The following PARD3 variants were observed in gnomAD, a reference collection of about 807,000 sequenced individuals.
PARD3 encodes par-3 family cell polarity regulator.
In PARD3, 75 loss-of-function variants were observed where a neutral mutation model predicts 155.4. The observed-to-expected ratio is 0.48, with a 90% CI of 0.40 to 0.58. The LOEUF is 0.58. PARD3 is among the 20% of genes least tolerant of loss of function. The pLI is 0.00. For synonymous variants in PARD3, 576 were observed against 610.5 expected, an observed-to-expected ratio of 0.94 and a Z score of 0.83; for missense variants, 1,642 against 1,721.7, an observed-to-expected ratio of 0.95 and a Z score of 0.82.
intron 2 of PARD3, among the ~76,000 whole-genome samples, chr10:34,585,543 CTTTCT>C (rs2087936734): frequency 5.6e-4 from 71 of 126,846 alleles, no homozygotes; most frequent in African/African-American, 2.1e-3. Context: ...TTTTCTTTTT[CTTTCT>C]TTTTTTTTTT....
intron 2 of PARD3, among the ~76,000 whole-genome samples, chr10:34,685,017 A>G (rs992370035): frequency 2.6e-5 from 4 of 152,112 alleles, no homozygotes; most frequent in African/African-American, 9.7e-5. Flanking sequence ...ATTATTCCAT[A>G]TGCTATCTTT....
At chr10:34,606,638 C>CAAAAAAAAAAAA (rs398013195) in intron 2 of PARD3, among the ~76,000 whole-genome samples, 14 of 79,656 alleles carry the variant, frequency 1.8e-4, no homozygotes, top group African/African-American at 6.7e-4. Context: ...CCCGTGTCTT[C>CAAAAAAAAAAAA]AAAAAAAAAA....
At chr10:34,476,819 C>T (rs1483694449) in intron 3 of PARD3, among the ~76,000 whole-genome samples, 1 of 152,234 alleles carries the variant, frequency 6.6e-6, no homozygotes, top group African/African-American at 2.4e-5. Flanking sequence ...CGACAAGCAA[C>T]ACAGAGTTCT....
At chr10:34,643,293 G>A (rs548521288) in intron 2 of PARD3, among the ~76,000 whole-genome samples, 3 of 152,298 alleles carry the variant, frequency 2.0e-5, no homozygotes, top group South Asian at 2.1e-4. Flanking sequence ...CTAACTGTGC[G>A]TCCTCATTGC....
rs908365891 is a variant in PARD3 at position 34,535,113 on chromosome 10, T to C, written c.223-17954A>G. Among the ~76,000 whole-genome samples, 11 of 152,344 alleles carry C rather than the reference T, an allele frequency of 7.2e-5. No homozygotes were observed. The South Asian group carries it at 2.3e-3, about 32-fold the overall frequency. ...AATATTAAGTGCAACAAAAAAATTA[T>C]GTAACAATCTACATAAAACTCTGTA... On this transcript the variant is annotated intron_variant, in intron 2 of 24. Transcript: ENST00000374788.
At chr10:34,542,389 A>G (rs1204694949) in intron 2 of PARD3, among the ~76,000 whole-genome samples, 2 of 152,150 alleles carry the variant, frequency 1.3e-5, no homozygotes, top group Admixed American at 6.5e-5. Flanking sequence ...ACTGGGGTCA[A>G]TATTATTGAC....
intron 22 of PARD3, among the ~76,000 whole-genome samples, chr10:34,152,067 C>T (rs534393150): frequency 2.0e-5 from 3 of 152,150 alleles, no homozygotes; most frequent in Non-Finnish European, 2.9e-5. Flanking sequence ...GTCTTAGATC[C>T]GAGTTCTTGA....
At chr10:34,763,210 A>C (rs1000501518) in intron 1 of PARD3, among the ~76,000 whole-genome samples, 1 of 152,210 alleles carries the variant, frequency 6.6e-6, no homozygotes, top group Admixed American at 6.5e-5. Flanking sequence ...TCAATATCTA[A>C]AGGTCCCACC....
intron 22 of PARD3, among the ~76,000 whole-genome samples, chr10:34,192,224 T>C (rs1276725097): frequency 6.6e-6 from 1 of 152,056 alleles, no homozygotes; most frequent in East Asian, 1.9e-4. Context: ...TATGTCACCA[T>C]GCCCAGCTAA....
At chr10:34,122,694 A>G (rs1947071345) in intron 23 of PARD3, among the ~76,000 whole-genome samples, 1 of 152,236 alleles carries the variant, frequency 6.6e-6, no homozygotes, top group Non-Finnish European at 1.5e-5. Flanking sequence ...GATTGCATAC[A>G]TGACCAGCCC....
At chr10:34,357,064 T>C (rs1838960172) in intron 14 of PARD3, among the ~76,000 whole-genome samples, 1 of 152,176 alleles carries the variant, frequency 6.6e-6, no homozygotes, top group Admixed American at 6.5e-5. Flanking sequence ...CACAGAGATA[T>C]TTCAGGGGGA....
At chr10:34,435,039 G>A (rs867818838) in intron 5 of PARD3, among the ~76,000 whole-genome samples, 1 of 152,026 alleles carries the variant, frequency 6.6e-6, no homozygotes, top group Non-Finnish European at 1.5e-5. Flanking sequence ...ATCAGGGAAC[G>A]GTAAAAGACA....
At chr10:34,764,120 A>C (rs10827420) in intron 1 of PARD3, among the ~76,000 whole-genome samples, 43,499 of 152,138 alleles carry the variant, frequency 0.29, 6,546 homozygotes, top group East Asian at 0.54. Flanking sequence ...AGTTGGGAAG[A>C]TGACCCAGGC....
chr10:34,510,412 G>T (rs181033360), intron 3 of PARD3, among the ~76,000 whole-genome samples: 14 of 152,188 alleles, frequency 9.2e-5, no homozygotes, highest in Non-Finnish European at 1.5e-4. Flanking sequence ...CATTTGGATG[G>T]TCTTCACTTA....
At chr10:34,320,381 G>A (rs775824591) in intron 19 of PARD3, among the ~76,000 whole-genome samples, 18 of 152,010 alleles carry the variant, frequency 1.2e-4, no homozygotes, top group Non-Finnish European at 2.4e-4. Flanking sequence ...TAGATTTTAC[G>A]ACCCTCTACA....
chr10:34,326,312 G>A (rs951109741), intron 19 of PARD3, among the ~76,000 whole-genome samples: 20 of 152,012 alleles, frequency 1.3e-4, no homozygotes, highest in Non-Finnish European at 2.5e-4. Flanking sequence ...ATTAATCGAA[G>A]CTCCCTTTCT....
Position 34,587,980 on chromosome 10 carries a change from T to C in PARD3, c.223-70821A>G, listed in dbSNP as rs77833827. The stretch of plus-strand genomic sequence containing the variant: ...AAAATTCTGAATCACTTTTAAACAA[T>C]AGACTCGCATTTTCATTCTGCATTA... On this transcript the variant is annotated intron_variant, in intron 2 of 24. Coordinates refer to ENST00000374788, the MANE Select transcript of PARD3 (RefSeq NM_001184785.2). Among the ~76,000 whole-genome samples, 217 of 152,246 alleles carry C rather than the reference T, an allele frequency of 1.4e-3. 1 individual carries two copies. The highest frequency in any genetic ancestry group is 5.0e-3 in the African/African-American group (207 of 41,548).
At chr10:34,571,227 T>C (rs1410855870) in intron 2 of PARD3, among the ~76,000 whole-genome samples, 1 of 152,106 alleles carries the variant, frequency 6.6e-6, no homozygotes, top group Non-Finnish European at 1.5e-5. Context: ...GGCTGGAGGA[T>C]TACTTGAGCC....
At chr10:34,478,523 T>G (rs1184180685) in intron 3 of PARD3, among the ~76,000 whole-genome samples, 3 of 152,102 alleles carry the variant, frequency 2.0e-5, no homozygotes, top group Non-Finnish European at 4.4e-5. Context: ...GGAGGGAAAA[T>G]AAAGTCAAGG....
Sources: gnomAD v4.1 joint callset for allele counts (sites outside exome capture counted in the v4.1 genomes callset) on GRCh38, gnomAD v4.1.1 for gene constraint, MANE v1.5 for transcripts, NCBI Gene and HGNC (gene_info 2026-07-23, HGNC 2026-07-21) for gene names.